Variants in TAFA1 observed in about 807,000 individuals in gnomAD.
TAFA1 encodes chemokine-like protein TAFA-1.
TAFA1 carries 4 observed loss-of-function variants against 18.5 expected under a neutral mutation model. The observed-to-expected ratio is 0.22, with a 90% CI of 0.11 to 0.49. TAFA1 has a LOEUF of 0.49. Among genes scored for constraint, TAFA1 ranks in the 20% least tolerant of loss-of-function variants. The pLI is 0.98. For synonymous variants in TAFA1, 56 were observed against 55.2 expected, an observed-to-expected ratio of 1.01 and a Z score of -0.06; for missense variants, 147 against 169.0, an observed-to-expected ratio of 0.87 and a Z score of 0.72.
chr3:68,202,592 G>A (rs1559557053), intron 2 of TAFA1, among the ~76,000 whole-genome samples: 2 of 151,440 alleles, frequency 1.3e-5, no homozygotes, highest in Admixed American at 1.3e-4. Context: ...TTATTCTAGA[G>A]TTTGCAATAC....
chr3:68,074,821 A>T (rs577214226), intron 2 of TAFA1, among the ~76,000 whole-genome samples: 11 of 152,210 alleles, frequency 7.2e-5, no homozygotes, highest in Non-Finnish European at 1.6e-4. Flanking sequence ...TTACTTCTTG[A>T]GTCTTGAAAA....
At chr3:68,097,926 G>T (rs2065105968) in intron 2 of TAFA1, among the ~76,000 whole-genome samples, 1 of 152,128 alleles carries the variant, frequency 6.6e-6, no homozygotes, top group South Asian at 2.1e-4. Context: ...GTAAATGAGA[G>T]TATAGATCCT....
At chr3:68,302,320 C>T (rs916427652) in intron 2 of TAFA1, among the ~76,000 whole-genome samples, 1 of 152,056 alleles carries the variant, frequency 6.6e-6, no homozygotes, top group African/African-American at 2.4e-5. Context: ...ATTTACTGAC[C>T]ATCTCTTATG....
intron 2 of TAFA1, among the ~76,000 whole-genome samples, chr3:68,256,996 G>A (rs1277176354): frequency 6.6e-6 from 1 of 152,002 alleles, no homozygotes; most frequent in Non-Finnish European, 1.5e-5. Context: ...GTTGGACTTT[G>A]GATAAACAGA....
intron 3 of TAFA1, among the ~76,000 whole-genome samples, chr3:68,453,563 A>G (rs917431522): frequency 1.3e-5 from 2 of 152,182 alleles, no homozygotes; most frequent in Non-Finnish European, 2.9e-5. Context: ...TCTTAATTAT[A>G]TTTGATACAT....
Position 68,417,349 on chromosome 3 carries a change from A to T in TAFA1, c.188A>T (p.Gln63Leu). The stretch of plus-strand genomic sequence containing the variant: ...AAGAATCGCATTGAGGAGCGGTCAC[A>T]AACAGTAAAGTGTTCCTGTCTACCT... Reference protein sequence around the residue: ...CNKNRIEERSQTVKCSCLPGK... With the variant: ...CNKNRIEERSLTVKCSCLPGK... The change falls in exon 3 of 5, where the codon CAA becomes CTA. Residue 63 changes from glutamine (Q) to leucine (L), a missense_variant. Transcript: ENST00000478136. 1 of 1,613,588 alleles carries T rather than the reference A, an allele frequency of 6.2e-7. No homozygotes were observed. Among genetic ancestry groups the T allele is most frequent in the Non-Finnish European group, 8.5e-7 (1 of 1,179,706 alleles).
At chr3:68,110,843 T>G (rs2106835964) in intron 2 of TAFA1, among the ~76,000 whole-genome samples, 1 of 152,056 alleles carries the variant, frequency 6.6e-6, no homozygotes, top group South Asian at 2.1e-4. Context: ...AAACTTGGAG[T>G]CCAGAGCCTA....
intron 2 of TAFA1, among the ~76,000 whole-genome samples, chr3:68,149,787 C>G (rs1294362637): frequency 6.6e-6 from 1 of 152,198 alleles, no homozygotes; most frequent in Non-Finnish European, 1.5e-5. Context: ...AAACTTACCT[C>G]AGGATTCTAG....
intron 2 of TAFA1, among the ~76,000 whole-genome samples, chr3:68,124,564 T>A (rs936321465): frequency 1.3e-5 from 2 of 152,212 alleles, no homozygotes; most frequent in Non-Finnish European, 2.9e-5. Flanking sequence ...AAGTGTATGG[T>A]AGTGGGGAGA....
intron 2 of TAFA1, among the ~76,000 whole-genome samples, chr3:68,287,265 C>T (rs2068026297): frequency 6.6e-6 from 1 of 152,136 alleles, no homozygotes; most frequent in South Asian, 2.1e-4. Flanking sequence ...AAATGTGACT[C>T]CCATTATCGC....
At chr3:68,379,876 ATTT>A (rs2069899725) in intron 2 of TAFA1, among the ~76,000 whole-genome samples, 1 of 151,870 alleles carries the variant, frequency 6.6e-6, no homozygotes, top group African/African-American at 2.4e-5. Context: ...TTAACTCCTC[ATTT>A]AGCATTAGGT....
chr3:68,440,896 G>C (rs2071364036), intron 3 of TAFA1, among the ~76,000 whole-genome samples: 1 of 152,140 alleles, frequency 6.6e-6, no homozygotes, highest in Non-Finnish European at 1.5e-5. Context: ...AAGTGTCCAG[G>C]TGGCAATCTT....
intron 2 of TAFA1, among the ~76,000 whole-genome samples, chr3:68,087,423 A>G (rs1232222666): frequency 1.3e-5 from 2 of 152,176 alleles, no homozygotes; most frequent in Non-Finnish European, 2.9e-5. Context: ...CATTTTATTA[A>G]CACAAAAATA....
intron 2 of TAFA1, among the ~76,000 whole-genome samples, chr3:68,008,429 C>A (rs989002861): frequency 6.6e-6 from 1 of 152,210 alleles, no homozygotes; most frequent in African/African-American, 2.4e-5. Context: ...ACAACTACTA[C>A]GTGTATGTTT....
intron 2 of TAFA1, among the ~76,000 whole-genome samples, chr3:68,053,827 C>G (rs1274617723): frequency 1.3e-5 from 2 of 152,122 alleles, no homozygotes; most frequent in Non-Finnish European, 2.9e-5. Flanking sequence ...CCTCAGCCTC[C>G]CAAGTAGCTC....
chr3:68,526,449 T>A (rs1575951705), intron 3 of TAFA1, among the ~76,000 whole-genome samples: 1 of 152,286 alleles, frequency 6.6e-6, no homozygotes, highest in Non-Finnish European at 1.5e-5. Flanking sequence ...ACACTAGTTT[T>A]GCAAATGAAC....
intron 3 of TAFA1, among the ~76,000 whole-genome samples, chr3:68,534,845 C>T (rs1049011093): frequency 4.6e-5 from 7 of 151,826 alleles, no homozygotes; most frequent in Middle Eastern, 3.4e-3. Flanking sequence ...CAGAGAGCAG[C>T]CTGAAGGAGG....
chr3:68,234,271 C>T (rs578218853), intron 2 of TAFA1, among the ~76,000 whole-genome samples: 17 of 152,108 alleles, frequency 1.1e-4, no homozygotes, highest in Non-Finnish European at 1.0e-4. Context: ...ATACTGACTT[C>T]GTGGGTGATG....
At chr3:68,195,609 G>A (rs1019739165) in intron 2 of TAFA1, among the ~76,000 whole-genome samples, 15 of 151,318 alleles carry the variant, frequency 9.9e-5, no homozygotes, top group Admixed American at 2.0e-4. Context: ...ATGCTGTTCA[G>A]TGTACTACAA....
Sources: gnomAD v4.1 joint callset for allele counts (sites outside exome capture counted in the v4.1 genomes callset) on GRCh38, gnomAD v4.1.1 for gene constraint, MANE v1.5 for transcripts, NCBI Gene and HGNC (gene_info 2026-07-23, HGNC 2026-07-21) for gene names.